The following HLA-DQA1 variants were observed in gnomAD, a reference collection of about 807,000 sequenced individuals.
HLA-DQA1 encodes major histocompatibility complex, class II, DQ alpha 1, also known as HLA class II histocompatibility antigen, DQ alpha 1 chain.
HLA-DQA1 carries 10 observed loss-of-function variants against 20.7 expected under a neutral mutation model. The observed-to-expected ratio is 0.48, with a 90% CI of 0.30 to 0.82. HLA-DQA1 has a LOEUF of 0.82. Among genes scored for constraint, HLA-DQA1 ranks in the 40% least tolerant of loss-of-function variants. HLA-DQA1 has a pLI of 0.07. For missense variants in HLA-DQA1, 127 were observed against 293.0 expected (o/e 0.43, Z 4.14); for synonymous variants, 39 against 109.2 (o/e 0.36, Z 4.01).
At chr6:32,653,121 C>T in the HLA-DQA1 span, among the ~76,000 whole-genome samples, 1 of 140,230 alleles carries the variant, frequency 7.1e-6, no homozygotes. Flanking sequence ...CAGCCAGCAA[C>T]ATTCCCAGCA....
downstream of HLA-DQA1, among the ~76,000 whole-genome samples, chr6:32,650,591 A>G (rs1219495605): frequency 2.0e-4 from 19 of 93,796 alleles, 6 homozygotes; most frequent in Non-Finnish European, 4.4e-4. Flanking sequence ...TGAGCAAACT[A>G]TCACAAGGAC....
In HLA-DQA1 at chr6:32,643,342, C is replaced by T. The variant is rs1781632001; in HGVS notation, c.*411C>T. The T allele has an allele frequency of 3.5e-6, 1 of 288,898 alleles. No individual in the cohort carries two copies. The highest frequency in any genetic ancestry group is 2.8e-5 in the South Asian group (1 of 35,244). The allele number at this position is 288,898 out of a possible 1,614,324, so 17.9% of individuals were successfully genotyped here. A position where few individuals can be genotyped will look rare whatever the true frequency, so the allele number is the denominator to read the frequency against. On this transcript the variant is annotated 3_prime_UTR_variant, in exon 5 of 5. Coordinates refer to ENST00000343139, the MANE Select transcript of HLA-DQA1 (RefSeq NM_002122.5). The stretch of plus-strand genomic sequence containing the variant: ...ATTGGGGTACTCTTATGTTTCAATC[C>T]AATTTAACCTCATTTCCCAGATCAT...
chr6:32,652,074 T>C, the HLA-DQA1 span, among the ~76,000 whole-genome samples: 57,862 of 92,990 alleles, frequency 0.62, 25,637 homozygotes, highest in South Asian at 0.81. Context: ...TTGCGGATCA[T>C]GAGCTCAGGA....
intron 3 of HLA-DQA1, 45 bp downstream of exon 3, chr6:32,642,298 A>G (rs35975014): frequency 0.11 from 132,085 of 1,217,988 alleles, 29,971 homozygotes; most frequent in South Asian, 0.25. Flanking sequence ...TTGTCTGTCA[A>G]GTTCAGAACT....
At chr6:32,638,580 C>T (rs9272509) in intron 1 of HLA-DQA1, among the ~76,000 whole-genome samples, 1 of 88,532 alleles carries the variant, frequency 1.1e-5, no homozygotes, top group Non-Finnish European at 2.5e-5. Flanking sequence ...AGAAGGCTGC[C>T]GTGGGAGGAC....
chr6:32,651,588 CAA>C (rs70996710), downstream of HLA-DQA1, among the ~76,000 whole-genome samples: 2 of 15,284 alleles, frequency 1.3e-4, no homozygotes, highest in Non-Finnish European at 2.5e-4. Flanking sequence ...CGTCTCAAAG[CAA>C]AAAAAAAAAA....
At chr6:32,646,108 T>C (rs186269395), downstream of HLA-DQA1, 4 of 129,164 alleles carry the variant, frequency 3.1e-5, no homozygotes, top group South Asian at 1.0e-3. Context: ...TAGTTCTTTT[T>C]ATCAGCTAAA....
chr6:32,642,912 C>T (rs9272843), intron 4 of HLA-DQA1, 40 bp from the exon 5 acceptor site: 1 of 641,650 alleles, frequency 1.6e-6, no homozygotes, highest in South Asian at 1.6e-5. Flanking sequence ...GACACAGGAG[C>T]CCCCTCGGAC....
chr6:32,638,965 A>G (rs74379225), intron 1 of HLA-DQA1: 27,894 of 355,346 alleles, frequency 0.078, 6,243 homozygotes, highest in South Asian at 0.092. Context: ...GGTTTGTAAA[A>G]CAAAAGTTGA....
chr6:32,640,756 C>T (rs1781323183), intron 1 of HLA-DQA1, among the ~76,000 whole-genome samples: 1 of 96,988 alleles, frequency 1.0e-5, no homozygotes, highest in South Asian at 3.2e-4. Context: ...TTCTTATACC[C>T]TACAATTGTT....
At chr6:32,652,591 T>C in the HLA-DQA1 span, among the ~76,000 whole-genome samples, 1 of 151,264 alleles carries the variant, frequency 6.6e-6, no homozygotes, top group Admixed American at 6.6e-5. Context: ...ACTTTTAGAA[T>C]TAAGCTACGA....
chr6:32,641,108 C>T (rs9272674), intron 1 of HLA-DQA1, among the ~76,000 whole-genome samples: 1,408 of 100,220 alleles, frequency 0.014, 74 homozygotes, highest in East Asian at 0.086. Flanking sequence ...GTAGCGCACA[C>T]TAGAGTGGGA....
chr6:32,644,955 T>G (rs1157174892), downstream of HLA-DQA1: 1 of 132,578 alleles, frequency 7.5e-6, no homozygotes, highest in Non-Finnish European at 1.7e-5. Flanking sequence ...AAACACAGAC[T>G]GGGAATCAGT....
At chr6:32,638,624 C>T (rs1213454178) in intron 1 of HLA-DQA1, among the ~76,000 whole-genome samples, 1 of 100,322 alleles carries the variant, frequency 1.0e-5, no homozygotes, top group Non-Finnish European at 2.2e-5. Flanking sequence ...CTGCAGTGAG[C>T]CATGGTGGCA....
At position 32,638,940 on chromosome 6, in the gene HLA-DQA1, T is replaced by C. The variant is rs1250785069; in HGVS notation, c.82+1400T>C. On this transcript the variant is annotated intron_variant, in intron 1 of 4. Transcript: ENST00000343139. Reference sequence around the variant, plus strand: ...CCATCTCTGACTCCCTGCTCCTTTATAGAGATGGACAGTGGGTTTGTAAAA... The same window carrying C: ...CCATCTCTGACTCCCTGCTCCTTTACAGAGATGGACAGTGGGTTTGTAAAA... The C allele has an allele frequency of 3.4e-4, 122 of 354,198 alleles. 12 individuals are homozygous for C. Among genetic ancestry groups the C allele is most frequent in the African/African-American group, 7.5e-4 (28 of 37,406 alleles). 21.9% of individuals were successfully genotyped at this position (354,198 alleles called of 1,614,324 possible).
chr6:32,646,896 T>TC (rs1781967253), downstream of HLA-DQA1: 1 of 106,812 alleles, frequency 9.4e-6, no homozygotes, highest in Non-Finnish European at 2.1e-5. Flanking sequence ...GCTATACATT[T>TC]TAAAAGGCTG....
rs550321915 is a variant in HLA-DQA1, at chr6:32,637,679, T to C, written c.82+139T>C. ...TTAAGACAATTAAAAATTATAGCTG[T>C]TCCTCCTTCAGGAAACCAGAGCCCC... is the stretch of plus-strand genomic sequence containing the variant. On this transcript the variant is annotated intron_variant, in intron 1 of 4. Transcript: ENST00000343139. The C allele has an allele frequency of 1.4e-5, 6 of 440,006 alleles. 1 individual carries two copies. Among genetic ancestry groups the C allele is most frequent in the Non-Finnish European group, 2.5e-5 (6 of 242,930 alleles). The allele number at this position is 440,006 out of a possible 1,614,324, so 27.3% of individuals were successfully genotyped here. A position where few individuals can be genotyped will look rare whatever the true frequency, so the allele number is the denominator to read the frequency against.
In HLA-DQA1 at chr6:32,640,264, A is replaced by C. The variant is rs9272626; in HGVS notation, c.83-1046A>C. Reference sequence around the variant, plus strand: ...CCCTTACCTACCTGACTCTTCCACTATTCAGTTTGTTCCTTAATAGTAGAC... The same window carrying C: ...CCCTTACCTACCTGACTCTTCCACTCTTCAGTTTGTTCCTTAATAGTAGAC... On this transcript the variant is annotated intron_variant, in intron 1 of 4. Transcript: ENST00000343139. 4.5e-3 allele frequency among the ~76,000 whole-genome samples: 407 copies of C among 89,622 alleles called. 6 individuals carry two copies. Among genetic ancestry groups the C allele is most frequent in the Middle Eastern group, 7.9e-3 (1 of 126 alleles). The allele number at this position is 89,622 out of a possible 152,430, so 58.8% of individuals were successfully genotyped here.
chr6:32,643,961 G>A (rs909293723), downstream of HLA-DQA1: 3 of 147,926 alleles, frequency 2.0e-5, no homozygotes, highest in Admixed American at 6.8e-5. Context: ...AGATAACCAT[G>A]TAGCTTTCCC....
Sources: allele counts gnomAD v4.1 joint callset (sites outside exome capture counted in the v4.1 genomes callset), GRCh38; gene constraint gnomAD v4.1.1; transcripts MANE v1.5; gene names NCBI Gene and HGNC (gene_info 2026-07-23, HGNC 2026-07-21).